UNC13A: variants seen among roughly 807,000 people sequenced by gnomAD.
The protein encoded by UNC13A is unc-13 homolog A, also known as protein unc-13 homolog A.
UNC13A carries 61 observed loss-of-function variants against 219.7 expected under a neutral mutation model. That is an observed-to-expected ratio of 0.28 (90% confidence interval 0.23 to 0.34). UNC13A has a LOEUF of 0.34. Among genes scored for constraint, UNC13A ranks in the 10% least tolerant of loss-of-function variants. The pLI is 1.00. For missense variants in UNC13A, 1,476 were observed against 2,270.3 expected (o/e 0.65, Z 7.11); for synonymous variants, 920 against 884.6 (o/e 1.04, Z -0.71).
chr19:17,639,861 C>T lies in UNC13A; in HGVS notation c.2835G>A (p.Arg945=). ...KLLDQLHNSL[R]IDLSMYRNNF... is the part of the protein sequence containing the mutation. ...CTACCCGGTACATGGAGAGGTCAAT[C>T]CGCAGGGAGTTATGCAGCTGGTCCA... The change falls in exon 23 of 44, where the codon CGG becomes CGA. Residue 945 remains arginine (R), a synonymous_variant. Transcript: ENST00000519716. 6.2e-7 allele frequency: 1 copy of T among 1,613,796 alleles called. No individual in the cohort carries two copies. The highest frequency in any genetic ancestry group is 8.5e-7 in the Non-Finnish European group (1 of 1,179,838).
intron 4 of UNC13A, among the ~76,000 whole-genome samples, chr19:17,671,234 A>T (rs2079782091): frequency 6.6e-6 from 1 of 152,064 alleles, no homozygotes; most frequent in African/African-American, 2.4e-5. Flanking sequence ...GGAAAGGAGG[A>T]CACTTGAAGC....
Position 17,649,033 on chromosome 19 carries a change from C to A in UNC13A, c.1525-50G>T. 1.3e-6 allele frequency: 2 copies of A among 1,537,778 alleles called. No individual in the cohort carries two copies. The highest frequency in any genetic ancestry group is 1.8e-6 in the Non-Finnish European group (2 of 1,138,804). ...TCGGGGGGGTTGACATCCATGAGAT[C>A]ACCACCAGGAGAGTTCACAGCCACG... On this transcript the variant is annotated intron_variant, in intron 14 of 43. Transcript: ENST00000519716. The surrounding 1 kb of genome is among the most constrained non-coding windows in gnomAD (Gnocchi z 4.4).
intron 9 of UNC13A, among the ~76,000 whole-genome samples, chr19:17,657,685 G>A (rs1419348186): frequency 6.6e-6 from 1 of 152,036 alleles, no homozygotes; most frequent in Non-Finnish European, 1.5e-5. Flanking sequence ...AGGCAATGGA[G>A]CAAGACCCCC....
chr19:17,624,694 T>C, intron 35 of UNC13A, 135 bp downstream of exon 35: 1 of 1,305,760 alleles, frequency 7.7e-7, no homozygotes, highest in Non-Finnish European at 1.0e-6. Flanking sequence ...GACCCTTGAA[T>C]GGCCCTTGAG....
intron 12 of UNC13A, among the ~76,000 whole-genome samples, chr19:17,651,482 T>C (rs548829685): frequency 1.3e-3 from 195 of 152,284 alleles, no homozygotes; most frequent in African/African-American, 4.5e-3. Context: ...TGCTTCAGCC[T>C]CCCAAAGTGT....
chr19:17,606,321 A>C lies in UNC13A; in HGVS notation c.4845T>G (p.Tyr1615Ter). The change falls in exon 44 of 44, where the codon TAT becomes TAG. Residue 1615 changes from tyrosine (Y) to a stop codon, truncating the protein, a stop_gained. Coordinates refer to ENST00000519716, the MANE Select transcript of UNC13A (RefSeq NM_001080421.3). LOFTEE classifies it low-confidence loss of function (END_TRUNC). ...TLSADAGPECYELQVCVKDYC... is the reference protein window; with the variant it reads ...TLSADAGPEC ...AGTCCTTGACGCACACCTGCAGCTC[A>C]TAGCACTCGGGACCCGCGTCGGCGC... The C allele has an allele frequency of 6.5e-7, 1 of 1,548,736 alleles. No homozygotes were observed. The highest frequency in any genetic ancestry group is 8.7e-7 in the Non-Finnish European group (1 of 1,147,658).
rs142257637 is a variant in UNC13A, at chr19:17,656,142, C to T, written c.1024G>A (p.Glu342Lys). The T allele has an allele frequency of 1.9e-6, 3 of 1,552,274 alleles. No individual in the cohort carries two copies. The East Asian group carries it at 7.3e-5, about 38-fold the overall frequency. The change falls in exon 10 of 44, where the codon GAG (glutamate) becomes AAG (lysine). Residue 342 changes from glutamate to lysine, a missense_variant. Glu to Lys is a moderately conservative substitution (Grantham distance 56, BLOSUM62 1). Around this residue, in one of 14 missense-constraint regions of UNC13A, gnomAD observed 351 missense variants for 342.6 expected, o/e 1.02. Coordinates refer to ENST00000519716, the MANE Select transcript of UNC13A (RefSeq NM_001080421.3). ...LEEEELPEDE[E>K]ELEEEEEEVP... ...TCCTCCTCCTCCTCCTCCAGCTCCT[C>T]CTCATCTTCAGGCAGCTCCTCCTCC...
At chr19:17,629,209 G>A in intron 31 of UNC13A, 31 bp downstream of exon 31, 1 of 1,568,748 alleles carries the variant, frequency 6.4e-7, no homozygotes, top group Non-Finnish European at 8.7e-7. Flanking sequence ...GGGCTGAGGA[G>A]GGAGATAGGT....
At position 17,656,143 on chromosome 19, in the gene UNC13A, C is replaced by T; in HGVS notation, c.1023G>A (p.Glu341=). 6.4e-7 allele frequency: 1 copy of T among 1,552,266 alleles called. No homozygotes were observed. The highest frequency in any genetic ancestry group is 1.2e-5 in the South Asian group (1 of 84,048). ...FLEEEELPED[E]EELEEEEEEV... ...CCTCCTCCTCCTCCTCCAGCTCCTCCTCATCTTCAGGCAGCTCCTCCTCCT... is the reference window on the plus strand; with the variant it reads ...CCTCCTCCTCCTCCTCCAGCTCCTCTTCATCTTCAGGCAGCTCCTCCTCCT... The change falls in exon 10 of 44, where the codon GAG becomes GAA. Residue 341 remains glutamate (E), a synonymous_variant. Transcript: ENST00000519716.
Position 17,627,537 on chromosome 19 carries a change from C to G in UNC13A, c.3892G>C (p.Asp1298His). The G allele has an allele frequency of 6.4e-7, 1 of 1,562,810 alleles. No individual in the cohort carries two copies. The highest frequency in any genetic ancestry group is 8.7e-7 in the Non-Finnish European group (1 of 1,152,958). The change falls in exon 33 of 44, where the codon GAT becomes CAT. Residue 1298 changes from aspartate to histidine, a missense_variant. Asp to His is a moderately conservative substitution (Grantham distance 81). Transcript: ENST00000519716. The surrounding 1 kb of genome is among the most constrained non-coding windows in gnomAD (Gnocchi z 4.7). ...GTAGCAAACACCCGGCTGAGCTCAT[C>G]CAAGACGTTATTGAGTTTCACCTGA... ...ELQVKLNNVLDELSRVFATSF... is the reference protein window; with the variant it reads ...ELQVKLNNVLHELSRVFATSF...
chr19:17,629,410 G>T, intron 30 of UNC13A, 87 bp from the exon 31 acceptor site: 1 of 1,234,600 alleles, frequency 8.1e-7, no homozygotes, highest in Non-Finnish European at 1.2e-6. Context: ...AGTGAGATCA[G>T]TGATGAACCC....
At chr19:17,685,225 G>A (rs1257181014) in intron 1 of UNC13A, among the ~76,000 whole-genome samples, 1 of 151,930 alleles carries the variant, frequency 6.6e-6, no homozygotes, top group Non-Finnish European at 1.5e-5. Flanking sequence ...GAGTCTCACT[G>A]TGTTGCCCAG....
At chr19:17,610,566 G>T (rs10412208) in intron 42 of UNC13A, among the ~76,000 whole-genome samples, 5 of 152,082 alleles carry the variant, frequency 3.3e-5, no homozygotes, top group Non-Finnish European at 7.4e-5. Flanking sequence ...AGCTAAGTGT[G>T]GTCATATGAC....
Position 17,628,306 on chromosome 19 carries a change from G to GTT in UNC13A, c.3754-367_3754-366insAA. 5 of 223,684 alleles carry GTT rather than the reference G, an allele frequency of 2.2e-5. No homozygotes were observed. In the South Asian group the frequency reaches 2.5e-4, roughly 11 times the overall value. The allele number at this position is 223,684 out of a possible 1,614,324, so 13.9% of individuals were successfully genotyped here. On this transcript the variant is annotated intron_variant, in intron 31 of 43. Transcript: ENST00000519716. The stretch of plus-strand genomic sequence containing the variant: ...TGCAACAGCCAGACAGTGACACACT[G>GTT]AAGGCGTGTGCCCTCACCCCGAGAT...
Position 17,655,890 on chromosome 19 carries a change from C to A in UNC13A, c.1276G>T (p.Glu426Ter). Residue 426 changes from glutamate (E) to a stop codon, truncating the protein, a stop_gained, in exon 10 of 44, where the codon GAG becomes TAG. Coordinates refer to ENST00000519716, the MANE Select transcript of UNC13A (RefSeq NM_001080421.3). LOFTEE classifies it high-confidence loss of function. Reference sequence around the variant, plus strand: ...TTGGCCCCGTCCTGTTACCTCTCCTCGTCCTTGGGTGGCTCAGCCTCAGGG... The same window carrying A: ...TTGGCCCCGTCCTGTTACCTCTCCTAGTCCTTGGGTGGCTCAGCCTCAGGG... ...QIPEAEPPKDEESFRPREDEE... is the reference protein window; with the variant it reads ...QIPEAEPPKD The A allele has an allele frequency of 2.0e-6, 3 of 1,519,268 alleles. No individual in the cohort carries two copies. Among genetic ancestry groups the A allele is most frequent in the Non-Finnish European group, 2.6e-6 (3 of 1,138,306 alleles). The allele number at this position is 1,519,268 out of a possible 1,614,324, so 94.1% of individuals were successfully genotyped here. A position where few individuals can be genotyped will look rare whatever the true frequency, so the allele number is the denominator to read the frequency against.
chr19:17,669,432 C>T (rs1000379868), intron 5 of UNC13A, 121 bp downstream of exon 5: 9 of 1,371,216 alleles, frequency 6.6e-6, no homozygotes, highest in Admixed American at 5.1e-5. Flanking sequence ...GGCGAAGGAC[C>T]CTCATTCTCA....
In UNC13A at chr19:17,666,100, C is replaced by CTT. The variant is rs10677118; in HGVS notation, c.523+548_523+549dup. 1.4e-3 allele frequency among the ~76,000 whole-genome samples: 191 copies of CTT among 134,974 alleles called. 1 individual carries two copies. Among genetic ancestry groups the CTT allele is most frequent in the African/African-American group, 5.0e-3 (182 of 36,582 alleles). 88.5% of individuals were successfully genotyped at this position (134,974 alleles called of 152,430 possible). On this transcript the variant is annotated intron_variant, in intron 7 of 43. Transcript: ENST00000519716. ...TCCTTTCCTTTCTTTCCTTCCCTTC[C>CTT]TTTCTTTTCTTTTCTCTTTTCTTTT...
At chr19:17,642,088 T>C (rs1267852870) in intron 20 of UNC13A, among the ~76,000 whole-genome samples, 1 of 145,050 alleles carries the variant, frequency 6.9e-6, no homozygotes, top group African/African-American at 2.6e-5. Context: ...ATCAACAAAT[T>C]CACCTATCTA....
chr19:17,653,346 T>TATA (rs1555782147), intron 11 of UNC13A, among the ~76,000 whole-genome samples: 1 of 110,996 alleles, frequency 9.0e-6, no homozygotes, highest in Non-Finnish European at 2.1e-5. Context: ...ATATATATAT[T>TATA]TTGTTTGTTT....
Sources: gnomAD v4.1 joint callset for allele counts (sites outside exome capture counted in the v4.1 genomes callset) on GRCh38, gnomAD v4.1.1 for gene constraint, gnomAD v4.1.1 regional missense constraint, Gnocchi (gnomAD v3.1) non-coding constraint, MANE v1.5 for transcripts, NCBI Gene and HGNC (gene_info 2026-07-23, HGNC 2026-07-21) for gene names.